Variants in ABCG4 observed in about 807,000 individuals in gnomAD.
ABCG4 encodes the protein ATP binding cassette subfamily G member 4, also known as ATP-binding cassette sub-family G member 4.
A neutral mutation model predicts 64.6 loss-of-function variants in ABCG4; 35 were observed. The ratio of observed to expected loss-of-function variants is 0.54; its 90% confidence interval spans 0.41 to 0.72. ABCG4 has a LOEUF of 0.72. Ranked by LOEUF, ABCG4 falls within the 30% of genes least tolerant of loss-of-function variation. ABCG4 has a pLI of 0.00. For missense variants in ABCG4, 610 were observed against 846.3 expected (o/e 0.72, Z 3.46); for synonymous variants, 326 against 348.2 (o/e 0.94, Z 0.71).
chr11:119,154,498 T>C lies in ABCG4; in HGVS notation c.490-27T>C. The stretch of plus-strand genomic sequence containing the variant: ...AGGCAGAGCTCCCTCCCACACATAC[T>C]TTTCTTGCTTACTCTCTGGGCCCCA... On this transcript the variant is annotated intron_variant, in intron 4 of 14. Transcript: ENST00000619701. The surrounding 1 kb of genome is among the most constrained non-coding windows in gnomAD (Gnocchi z 7.0). The C allele has an allele frequency of 6.2e-7, 1 of 1,614,086 alleles. No homozygotes were observed.
chr11:119,151,167 G>A (rs969935273), intron 2 of ABCG4, among the ~76,000 whole-genome samples: 2 of 152,220 alleles, frequency 1.3e-5, no homozygotes, highest in African/African-American at 2.4e-5. Context: ...AACCTCTTTC[G>A]GTCCTGAGAC....
rs775055244 is a variant in ABCG4, at chr11:119,154,316, C to A, written c.413C>A (p.Thr138Asn). ...LVNGRPRELRTFRKMSCYIMQ... is the reference protein window; with the variant it reads ...LVNGRPRELRNFRKMSCYIMQ... ...AATGGAAGGCCACGGGAGCTGAGGA[C>A]CTTCCGCAAGATGTCCTGCTACATC... Residue 138 changes from threonine (T) to asparagine (N), a missense_variant, in exon 4 of 15, where the codon ACC (threonine) becomes AAC (asparagine). By Grantham distance (65) the Thr-to-Asn change is moderately conservative. Transcript: ENST00000619701. The surrounding 1 kb of genome is among the most constrained non-coding windows in gnomAD (Gnocchi z 7.0). 3.7e-6 allele frequency: 6 copies of A among 1,614,088 alleles called. No individual in the cohort carries two copies. The African/African-American group carries it at 6.7e-5, about 18-fold the overall frequency.
Position 119,161,045 on chromosome 11 carries a change from TC to T in ABCG4, c.1882del (p.Leu628Ter). 1 of 1,614,038 alleles carries T rather than the reference TC, an allele frequency of 6.2e-7. No homozygotes were observed. Among genetic ancestry groups the T allele is most frequent in the Non-Finnish European group, 8.5e-7 (1 of 1,179,974 alleles). On this transcript the variant is annotated frameshift_variant, in exon 15 of 15. Transcript: ENST00000619701. LOFTEE classifies it high-confidence loss of function. ...GACTTCCTGGTCTTGGGCATCTTCT[TC>T]CTAGCCCTGCGGCTGCTGGCCTACC... is the stretch of plus-strand genomic sequence containing the variant. The part of the protein sequence containing the change: ...YMDFLVLGIF[F>X]LALRLLAYLV...
rs3802885 is a variant in ABCG4, at chr11:119,161,980, A to C, written c.*874A>C. ...CTCCGGAGTGACAGGCACATACATGAGAACAGGCCATCTCAGCCCTACACA... is the reference window on the plus strand; with the variant it reads ...CTCCGGAGTGACAGGCACATACATGCGAACAGGCCATCTCAGCCCTACACA... On this transcript the variant is annotated 3_prime_UTR_variant, in exon 15 of 15. Coordinates refer to ENST00000619701, the MANE Select transcript of ABCG4 (RefSeq NM_022169.5). The C allele has an allele frequency of 0.14, 21,205 of 152,974 alleles. 2,228 individuals carry two copies. Among genetic ancestry groups the C allele is most frequent in the South Asian group, 0.33 (1,585 of 4,834 alleles). The allele number at this position is 152,974 out of a possible 1,614,324, so 9.5% of individuals were successfully genotyped here. A position where few individuals can be genotyped will look rare whatever the true frequency, so the allele number is the denominator to read the frequency against.
rs552246034 is a variant in ABCG4 at position 119,156,695 on chromosome 11, T to G, written c.925+17T>G. 132 of 1,613,196 alleles carry G rather than the reference T, an allele frequency of 8.2e-5. 1 individual carries two copies. In the South Asian group the frequency reaches 1.4e-3, roughly 17 times the overall value. The stretch of plus-strand genomic sequence containing the variant: ...CTGACTTCAGTGAGTGGGGGTCTGT[T>G]GGTAGGGGCTGGGAAACAGCAGTGG... On this transcript the variant is annotated intron_variant, in intron 8 of 14. Transcript: ENST00000619701. The surrounding 1 kb of genome is among the most constrained non-coding windows in gnomAD (Gnocchi z 5.5).
Position 119,149,786 on chromosome 11 carries a change from C to G in ABCG4, c.-12-168C>G. 4.5e-6 allele frequency: 5 copies of G among 1,106,856 alleles called. No homozygotes were observed. Among genetic ancestry groups the G allele is most frequent in the South Asian group, 1.6e-5 (1 of 61,700 alleles). The allele number at this position is 1,106,856 out of a possible 1,614,324, so 68.6% of individuals were successfully genotyped here. A position where few individuals can be genotyped will look rare whatever the true frequency, so the allele number is the denominator to read the frequency against. On this transcript the variant is annotated intron_variant, in intron 1 of 14. Coordinates refer to ENST00000619701, the MANE Select transcript of ABCG4 (RefSeq NM_022169.5). The surrounding 1 kb of genome is among the most constrained non-coding windows in gnomAD (Gnocchi z 8.3). Reference sequence around the variant, plus strand: ...TGGAGCTGGGCTGCCCGGGACTGAGCGTCTCCGTGCGGAGAGTGGGGGGCG... The same window carrying G: ...TGGAGCTGGGCTGCCCGGGACTGAGGGTCTCCGTGCGGAGAGTGGGGGGCG...
Position 119,158,353 on chromosome 11 carries a change from A to G in ABCG4, c.1167+21A>G. On this transcript the variant is annotated intron_variant, in intron 10 of 14. Transcript: ENST00000619701. The surrounding 1 kb of genome is among the most constrained non-coding windows in gnomAD (Gnocchi z 4.5). ...ACACGGTGAGGCGTCAGGCTGGGGGAGAGGAGGCTGGCACAGGCCTGACCT... is the reference window on the plus strand; with the variant it reads ...ACACGGTGAGGCGTCAGGCTGGGGGGGAGGAGGCTGGCACAGGCCTGACCT... 2 of 1,611,938 alleles carry G rather than the reference A, an allele frequency of 1.2e-6. No individual in the cohort carries two copies. Among genetic ancestry groups the G allele is most frequent in the South Asian group, 2.2e-5 (2 of 91,032 alleles).
rs372455161 is a variant in ABCG4 at position 119,157,049 on chromosome 11, T to C, written c.1068+35T>C. 15 of 1,564,666 alleles carry C rather than the reference T, an allele frequency of 9.6e-6. No individual in the cohort carries two copies. In the South Asian group the frequency reaches 9.7e-5, roughly 10 times the overall value. On this transcript the variant is annotated intron_variant, in intron 9 of 14. Transcript: ENST00000619701. Reference sequence around the variant, plus strand: ...GGTGGAGAGGGCAGAGCAGGCATAGTTGGGGAGGGGAGACTGGACCATGGA... The same window carrying C: ...GGTGGAGAGGGCAGAGCAGGCATAGCTGGGGAGGGGAGACTGGACCATGGA...
rs1043882355 is a variant in ABCG4, at chr11:119,149,763, G to C, written c.-12-191G>C. ...AAGGGGACGGGCTGGGGTCAGGCTG[G>C]AGCTGGGCTGCCCGGGACTGAGCGT... On this transcript the variant is annotated intron_variant, in intron 1 of 14. Transcript: ENST00000619701. This position sits in a 1 kb window ranked among gnomAD's most constrained non-coding sequence, Gnocchi z 8.3. 4 of 891,864 alleles carry C rather than the reference G, an allele frequency of 4.5e-6. No individual in the cohort carries two copies. In the South Asian group the frequency reaches 5.4e-5, roughly 12 times the overall value. 55.2% of individuals were successfully genotyped at this position (891,864 alleles called of 1,614,324 possible). A position where few individuals can be genotyped will look rare whatever the true frequency, so the allele number is the denominator to read the frequency against.
rs753493720 is a variant in ABCG4, at chr11:119,160,288, C to G, written c.1499C>G (p.Thr500Ser). Residue 500 changes from threonine (T) to serine (S), a missense_variant, in exon 13 of 15, where the codon ACC (threonine) becomes AGC (serine). Coordinates refer to ENST00000619701, the MANE Select transcript of ABCG4 (RefSeq NM_022169.5). The surrounding 1 kb of genome is among the most constrained non-coding windows in gnomAD (Gnocchi z 4.6). ...VYWMTGQPAE[T>S]SRFLLFSALA... ...TGGATGACGGGCCAGCCCGCTGAGACCAGCCGCTTCCTGCTCTTCTCAGCC... is the reference window on the plus strand; with the variant it reads ...TGGATGACGGGCCAGCCCGCTGAGAGCAGCCGCTTCCTGCTCTTCTCAGCC... 1.2e-6 allele frequency: 2 copies of G among 1,613,948 alleles called. No homozygotes were observed. The highest frequency in any genetic ancestry group is 8.5e-7 in the Non-Finnish European group (1 of 1,179,912).
At position 119,160,151 on chromosome 11, in the gene ABCG4, C is replaced by A. The variant is rs538688090; in HGVS notation, c.1438-76C>A. 9.9e-6 allele frequency: 15 copies of A among 1,517,672 alleles called. No individual in the cohort carries two copies. The South Asian group carries it at 1.1e-4, about 11-fold the overall frequency. 94.0% of individuals were successfully genotyped at this position (1,517,672 alleles called of 1,614,324 possible). A position where few individuals can be genotyped will look rare whatever the true frequency, so the allele number is the denominator to read the frequency against. On this transcript the variant is annotated intron_variant, in intron 12 of 14. Transcript: ENST00000619701. This position sits in a 1 kb window ranked among gnomAD's most constrained non-coding sequence, Gnocchi z 4.6. Reference sequence around the variant, plus strand: ...GGGAATAGGTATTCTAGAGGCCCAGCCTTGGGTGGAGTGGAGGTCTTGGCT... The same window carrying A: ...GGGAATAGGTATTCTAGAGGCCCAGACTTGGGTGGAGTGGAGGTCTTGGCT...
chr11:119,154,715 G>A lies in ABCG4; in HGVS notation c.541-55G>A, dbSNP rs749243610. The stretch of plus-strand genomic sequence containing the variant: ...AGATGCTTTTTGAAGCTGGGGTGGT[G>A]CCTGGGGGAAGCAGAGACTCCGAAG... On this transcript the variant is annotated intron_variant, in intron 5 of 14. Coordinates refer to ENST00000619701, the MANE Select transcript of ABCG4 (RefSeq NM_022169.5). This position sits in a 1 kb window ranked among gnomAD's most constrained non-coding sequence, Gnocchi z 7.0. 112 of 1,590,600 alleles carry A rather than the reference G, an allele frequency of 7.0e-5. No individual in the cohort carries two copies. In the Middle Eastern group the frequency reaches 1.4e-3, roughly 20 times the overall value.
In ABCG4 at chr11:119,150,309, C is replaced by G. The variant is rs1008081152; in HGVS notation, c.238+106C>G. The G allele has an allele frequency of 2.4e-5, 35 of 1,460,356 alleles. No homozygotes were observed. Among genetic ancestry groups the G allele is most frequent in the Admixed American group, 1.5e-4 (7 of 48,030 alleles). The allele number at this position is 1,460,356 out of a possible 1,614,324, so 90.5% of individuals were successfully genotyped here. A position where few individuals can be genotyped will look rare whatever the true frequency, so the allele number is the denominator to read the frequency against. Reference sequence around the variant, plus strand: ...GTTCGGAAAGTCCTGCACCAGTGGGCTCTGTGGAAACACTAAAATCTGGGC... The same window carrying G: ...GTTCGGAAAGTCCTGCACCAGTGGGGTCTGTGGAAACACTAAAATCTGGGC... On this transcript the variant is annotated intron_variant, in intron 2 of 14. Transcript: ENST00000619701. This position sits in a 1 kb window ranked among gnomAD's most constrained non-coding sequence, Gnocchi z 4.3.
Position 119,156,320 on chromosome 11 carries a change from T to A in ABCG4, c.687-9T>A, listed in dbSNP as rs1948262916. On this transcript the variant is annotated splice_polypyrimidine_tract_variant and intron_variant, in intron 6 of 14. Coordinates refer to ENST00000619701, the MANE Select transcript of ABCG4 (RefSeq NM_022169.5). This position sits in a 1 kb window ranked among gnomAD's most constrained non-coding sequence, Gnocchi z 5.5. ...TCACGTGGCCCCCTGGTGGCCTCTC[T>A]CTGGACAGTGGTCTGGATAGCGCCT... 6.2e-7 allele frequency: 1 copy of A among 1,614,072 alleles called. No individual in the cohort carries two copies. Among genetic ancestry groups the A allele is most frequent in the Non-Finnish European group, 8.5e-7 (1 of 1,180,044 alleles).
intron 2 of ABCG4, among the ~76,000 whole-genome samples, chr11:119,152,135 C>T (rs1033022843): frequency 4.6e-5 from 7 of 152,148 alleles, no homozygotes; most frequent in Admixed American, 2.0e-4. Flanking sequence ...TGCTGGAGTG[C>T]GCCACCAAAT....
rs529004229 is a variant in ABCG4, at chr11:119,152,110, G to T, written c.238+1907G>T. On this transcript the variant is annotated intron_variant, in intron 2 of 14. Coordinates refer to ENST00000619701, the MANE Select transcript of ABCG4 (RefSeq NM_022169.5). ...TGCAAGAGATCACTTCCTGTGAGTG[G>T]CTCTGAAAGGCATATGCTGGAGTGC... 3.9e-5 allele frequency among the ~76,000 whole-genome samples: 6 copies of T among 152,334 alleles called. No homozygotes were observed. In the East Asian group the frequency reaches 1.2e-3, roughly 29 times the overall value.
rs2135134828 is a variant in ABCG4, at chr11:119,162,635, A to G, written c.*1529A>G. The G allele has an allele frequency of 6.6e-6, 1 of 152,342 alleles. No homozygotes were observed. Among genetic ancestry groups the G allele is most frequent in the Non-Finnish European group, 1.5e-5 (1 of 68,036 alleles). 9.4% of individuals were successfully genotyped at this position (152,342 alleles called of 1,614,324 possible). On this transcript the variant is annotated 3_prime_UTR_variant, in exon 15 of 15. Transcript: ENST00000619701. The stretch of plus-strand genomic sequence containing the variant: ...GTGGGATTTCACCCATTATTAATAA[A>G]ACCTATATTTATACAGTATGCAATG...
chr11:119,154,696 T>C lies in ABCG4; in HGVS notation c.541-74T>C. 2 of 1,585,820 alleles carry C rather than the reference T, an allele frequency of 1.3e-6. No individual in the cohort carries two copies. Among genetic ancestry groups the C allele is most frequent in the Non-Finnish European group, 1.7e-6 (2 of 1,162,920 alleles). ...GAGACAATGCACTTAAGGGAGATGC[T>C]TTTTGAAGCTGGGGTGGTGCCTGGG... On this transcript the variant is annotated intron_variant, in intron 5 of 14. Transcript: ENST00000619701. This position sits in a 1 kb window ranked among gnomAD's most constrained non-coding sequence, Gnocchi z 7.0.
In ABCG4 at chr11:119,156,534, T is replaced by A. The variant is rs746980624; in HGVS notation, c.811-30T>A. On this transcript the variant is annotated intron_variant, in intron 7 of 14. Transcript: ENST00000619701. This position sits in a 1 kb window ranked among gnomAD's most constrained non-coding sequence, Gnocchi z 5.5. Reference sequence around the variant, plus strand: ...TCAGTAGGGGTGCCTGGCCCGCTGTTCCTTCCTTACCCTTCTCTTTCTGCT... The same window carrying A: ...TCAGTAGGGGTGCCTGGCCCGCTGTACCTTCCTTACCCTTCTCTTTCTGCT... 1.9e-6 allele frequency: 3 copies of A among 1,614,034 alleles called. No homozygotes were observed. The African/African-American group carries it at 4.0e-5, about 22-fold the overall frequency.
Sources: allele counts gnomAD v4.1 joint callset (sites outside exome capture counted in the v4.1 genomes callset), GRCh38; gene constraint gnomAD v4.1.1; non-coding constraint Gnocchi (gnomAD v3.1); transcripts MANE v1.5; gene names NCBI Gene and HGNC (gene_info 2026-07-23, HGNC 2026-07-21).